PPP3CB: variants seen among roughly 807,000 people sequenced by gnomAD.
The protein encoded by PPP3CB is protein phosphatase 3 catalytic subunit beta.
A neutral mutation model predicts 66.4 loss-of-function variants in PPP3CB; 8 were observed. That is an observed-to-expected ratio of 0.12 (90% CI 0.07 to 0.22). The LOEUF (loss-of-function observed/expected upper bound fraction) is 0.22, where lower values mean the gene tolerates loss of function less well. PPP3CB is among the 10% of genes least tolerant of loss of function. PPP3CB has a pLI of 1.00. For synonymous variants in PPP3CB, 208 were observed against 221.2 expected (o/e 0.94, Z 0.53); for missense variants, 319 against 642.5 (o/e 0.50, Z 5.44).
chr10:73,468,873 C>G (rs762661496), intron 8 of PPP3CB, among the ~76,000 whole-genome samples: 4 of 152,054 alleles, frequency 2.6e-5, no homozygotes, highest in Non-Finnish European at 4.4e-5. Flanking sequence ...TGAGCTGATA[C>G]CAAGCTTTCA....
Position 73,438,323 on chromosome 10 carries a change from A to G in PPP3CB, c.1494T>C (p.Ala498=). 6.2e-7 allele frequency: 1 copy of G among 1,614,150 alleles called. No homozygotes were observed. Among genetic ancestry groups the G allele is most frequent in the South Asian group, 1.1e-5 (1 of 91,080 alleles). Reference sequence around the variant, plus strand: ...GAGAATTGAAACCATCTTGCTGTACAGCATCTTTCCGAGGTGGCATTCTCT... The same window carrying G: ...GAGAATTGAAACCATCTTGCTGTACGGCATCTTTCCGAGGTGGCATTCTCT... ...INERMPPRKD[A]VQQDGFNSLN... Residue 498 remains alanine, a synonymous_variant, in exon 14 of 14, where the codon GCT becomes GCC. Transcript: ENST00000360663.
intron 9 of PPP3CB, chr10:73,466,870 TG>T (rs1193056384): frequency 6.6e-6 from 1 of 152,094 alleles, no homozygotes; most frequent in Non-Finnish European, 1.5e-5. Flanking sequence ...CATTTTCTTA[TG>T]AAAAAAATTA....
intron 5 of PPP3CB, 50 bp from the exon 6 acceptor site, chr10:73,471,259 G>A: frequency 6.6e-7 from 1 of 1,524,246 alleles, no homozygotes; most frequent in Admixed American, 2.0e-5. Flanking sequence ...AAAAAGTAAG[G>A]ATAAAATGTG....
intron 1 of PPP3CB, among the ~76,000 whole-genome samples, chr10:73,490,230 C>A (rs1244166430): frequency 6.6e-6 from 1 of 152,202 alleles, no homozygotes; most frequent in East Asian, 1.9e-4. Context: ...CTAGACCATT[C>A]CAGTCCAGAG....
At chr10:73,450,854 T>C (rs2056333321) in intron 10 of PPP3CB, among the ~76,000 whole-genome samples, 1 of 152,144 alleles carries the variant, frequency 6.6e-6, no homozygotes, top group Admixed American at 6.6e-5. Flanking sequence ...AAACCACTGA[T>C]CCTTTTCATT....
At chr10:73,468,042 C>T (rs57609152) in intron 8 of PPP3CB, among the ~76,000 whole-genome samples, 1 of 152,080 alleles carries the variant, frequency 6.6e-6, no homozygotes, top group Non-Finnish European at 1.5e-5. Context: ...GAGCAATTTT[C>T]TAGGTTTTTA....
At chr10:73,482,029 G>T (rs2056887756) in intron 1 of PPP3CB, among the ~76,000 whole-genome samples, 1 of 151,988 alleles carries the variant, frequency 6.6e-6, no homozygotes, top group Non-Finnish European at 1.5e-5. Context: ...AACCAAATTT[G>T]CCCTCATGGT....
chr10:73,438,185 C>A lies in PPP3CB; in HGVS notation c.*57G>T, dbSNP rs1252749013. 1 of 1,539,504 alleles carries A rather than the reference C, an allele frequency of 6.5e-7. No homozygotes were observed. Among genetic ancestry groups the A allele is most frequent in the East Asian group, 2.3e-5 (1 of 43,708 alleles). ...TCAGCTTGGCCGACCCCTCCAGCTC[C>A]TCGGGTGATCTGTCCATTTGGGGCC... On this transcript the variant is annotated 3_prime_UTR_variant, in exon 14 of 14. Coordinates refer to ENST00000360663, the MANE Select transcript of PPP3CB (RefSeq NM_021132.4).
chr10:73,462,016 G>A (rs1458492361), intron 9 of PPP3CB, among the ~76,000 whole-genome samples: 6 of 151,988 alleles, frequency 3.9e-5, no homozygotes, highest in African/African-American at 9.7e-5. Flanking sequence ...CTCTCACCAC[G>A]TGAAGTGCCT....
chr10:73,439,734 G>C, intron 13 of PPP3CB, 138 bp downstream of exon 13: 1 of 899,720 alleles, frequency 1.1e-6, no homozygotes, highest in Non-Finnish European at 1.7e-6. Flanking sequence ...GGGCTGCAAG[G>C]CTTCTAAACT....
chr10:73,460,401 T>C (rs1031022240), intron 9 of PPP3CB, among the ~76,000 whole-genome samples: 13 of 151,602 alleles, frequency 8.6e-5, no homozygotes, highest in East Asian at 7.7e-4. Flanking sequence ...TGTGAAGATA[T>C]AGAGGACATA....
chr10:73,466,769 G>C (rs558892953), intron 9 of PPP3CB, among the ~76,000 whole-genome samples: 50 of 152,220 alleles, frequency 3.3e-4, no homozygotes, highest in African/African-American at 1.2e-3. Context: ...TATGGAAGAG[G>C]TGAGAAAAAA....
At chr10:73,459,260 G>A (rs551300045) in intron 9 of PPP3CB, among the ~76,000 whole-genome samples, 5 of 152,168 alleles carry the variant, frequency 3.3e-5, no homozygotes, top group East Asian at 1.9e-4. Context: ...AGGCCGAGGC[G>A]GGTGGATCAG....
Position 73,444,727 on chromosome 10 carries a change from C to G in PPP3CB, c.1364G>C (p.Ser455Thr). Residue 455 changes from serine (S) to threonine (T), a missense_variant and splice_region_variant, in exon 12 of 14, where the codon AGT (serine) becomes ACT (threonine). Around this residue, in one of 5 missense-constraint regions of PPP3CB, gnomAD observed 120 missense variants for 331.2 expected, o/e 0.36. Transcript: ENST00000360663. ...AGCAAGTTGCATAACATCATTACCACTTTGCAGGGTCTGCCGTCCTCCAGC... is the reference window on the plus strand; with the variant it reads ...AGCAAGTTGCATAACATCATTACCAGTTTGCAGGGTCTGCCGTCCTCCAGC... ...VLAGGRQTLQ[S>T]ATVEAIEAEK... The G allele has an allele frequency of 6.2e-7, 1 of 1,614,178 alleles. No individual in the cohort carries two copies. Among genetic ancestry groups the G allele is most frequent in the Non-Finnish European group, 8.5e-7 (1 of 1,180,026 alleles).
At chr10:73,491,955 G>A (rs545000017) in intron 1 of PPP3CB, among the ~76,000 whole-genome samples, 54 of 151,578 alleles carry the variant, frequency 3.6e-4, no homozygotes, top group African/African-American at 9.9e-4. Flanking sequence ...CAAGAAGAGC[G>A]AAACTCCATC....
intron 12 of PPP3CB, among the ~76,000 whole-genome samples, chr10:73,443,266 G>GAGAAAGAAAGAA (rs1164429950): frequency 1.6e-5 from 1 of 64,436 alleles, no homozygotes; most frequent in Non-Finnish European, 3.7e-5. Context: ...GAGAGAGAGA[G>GAGAAAGAAAGAA]AGAAAGAAAG....
In PPP3CB at chr10:73,495,907, G is replaced by A; in HGVS notation, c.-18C>T. On this transcript the variant is annotated 5_prime_UTR_variant, in exon 1 of 14. Coordinates refer to ENST00000360663, the MANE Select transcript of PPP3CB (RefSeq NM_021132.4). ...GCGGCCATGCTGGGCCCGGGGCTCG[G>A]CTAGGCTCTGGGCCGGGCGGGGTTG... 2.8e-6 allele frequency: 3 copies of A among 1,080,558 alleles called. No individual in the cohort carries two copies. The highest frequency in any genetic ancestry group is 3.6e-6 in the Non-Finnish European group (3 of 833,194). The allele number at this position is 1,080,558 out of a possible 1,614,324, so 66.9% of individuals were successfully genotyped here.
At chr10:73,478,400 T>G in intron 3 of PPP3CB, 99 bp downstream of exon 3, 1 of 1,087,124 alleles carries the variant, frequency 9.2e-7, no homozygotes, top group East Asian at 2.5e-5. Flanking sequence ...GCAGAGTTAT[T>G]AAAAAAACCT....
intron 9 of PPP3CB, among the ~76,000 whole-genome samples, chr10:73,460,471 A>G (rs1218348762): frequency 6.6e-6 from 1 of 152,150 alleles, no homozygotes; most frequent in Non-Finnish European, 1.5e-5. Context: ...GACAAGTTAG[A>G]CTGGCTTGAA....
Sources: allele counts gnomAD v4.1 joint callset (sites outside exome capture counted in the v4.1 genomes callset), GRCh38; gene constraint gnomAD v4.1.1; regional missense constraint gnomAD v4.1.1; transcripts MANE v1.5; gene names NCBI Gene and HGNC (gene_info 2026-07-23, HGNC 2026-07-21).